Variants in NT5DC1 observed in about 807,000 individuals in gnomAD.
NT5DC1 encodes 5'-nucleotidase domain containing 1.
Under a neutral mutation model 59.4 loss-of-function variants are expected in NT5DC1, and 42 were observed. The ratio of observed to expected loss-of-function variants is 0.71; its 90% confidence interval spans 0.55 to 0.92. NT5DC1 has a LOEUF of 0.92. NT5DC1 is among the 40% of genes least tolerant of loss of function. The pLI is 0.00. For missense variants in NT5DC1, 501 were observed against 537.1 expected (o/e 0.93, Z 0.66); for synonymous variants, 172 against 188.1 (o/e 0.91, Z 0.70).
intron 6 of NT5DC1, among the ~76,000 whole-genome samples, chr6:116,219,103 T>C (rs1338092047): frequency 6.6e-6 from 1 of 152,004 alleles, no homozygotes; most frequent in African/African-American, 2.4e-5. Context: ...CTGCAGTAAG[T>C]CATGATCGTG....
intron 6 of NT5DC1, among the ~76,000 whole-genome samples, chr6:116,205,606 G>A (rs1043975687): frequency 6.6e-6 from 1 of 151,484 alleles, no homozygotes; most frequent in Admixed American, 6.6e-5. Context: ...AATTGGGGGG[G>A]AAAAAAGGCT....
At chr6:116,104,110 C>T (rs1052384345) in intron 1 of NT5DC1, among the ~76,000 whole-genome samples, 1 of 152,074 alleles carries the variant, frequency 6.6e-6, no homozygotes, top group Non-Finnish European at 1.5e-5. Flanking sequence ...CATGGAGAGC[C>T]CTGTGCCATG....
chr6:116,138,862 T>C (rs1366261159), intron 6 of NT5DC1, among the ~76,000 whole-genome samples: 1 of 152,172 alleles, frequency 6.6e-6, no homozygotes, highest in African/African-American at 2.4e-5. Context: ...AGATAGTGAA[T>C]ATTTTTTCAG....
At chr6:116,121,460 A>T in intron 6 of NT5DC1, 1 of 1,611,584 alleles carries the variant, frequency 6.2e-7, no homozygotes, top group Non-Finnish European at 8.5e-7. Context: ...TCTTTTTCCC[A>T]CTCCAGGAGG....
intron 6 of NT5DC1, among the ~76,000 whole-genome samples, chr6:116,159,122 G>T (rs1215788185): frequency 1.3e-5 from 2 of 152,104 alleles, no homozygotes; most frequent in African/African-American, 4.8e-5. Context: ...TTCCACAGAA[G>T]GATATCTTCT....
chr6:116,142,758 T>G (rs966437226), intron 6 of NT5DC1, among the ~76,000 whole-genome samples: 2 of 152,200 alleles, frequency 1.3e-5, no homozygotes, highest in Non-Finnish European at 1.5e-5. Context: ...TTTTCTTGTT[T>G]CTTTTTGTTT....
At chr6:116,169,065 T>C (rs1391605930) in intron 6 of NT5DC1, among the ~76,000 whole-genome samples, 1 of 152,222 alleles carries the variant, frequency 6.6e-6, no homozygotes, top group Non-Finnish European at 1.5e-5. Flanking sequence ...CCTCCAAGCC[T>C]CTTGAAGATT....
At chr6:116,143,134 C>T (rs1175267542) in intron 6 of NT5DC1, among the ~76,000 whole-genome samples, 3 of 152,122 alleles carry the variant, frequency 2.0e-5, no homozygotes, top group African/African-American at 7.2e-5. Context: ...TTGCCTCTGG[C>T]ATAGATAAAC....
At chr6:116,120,575 C>T (rs757679747) in intron 6 of NT5DC1, 2 of 1,601,504 alleles carry the variant, frequency 1.2e-6, no homozygotes, top group Middle Eastern at 3.4e-4. Flanking sequence ...ACCTGGTGGG[C>T]CTGGAGGCCC....
Position 116,222,442 on chromosome 6 carries a change from G to T in NT5DC1, c.705-592G>T, listed in dbSNP as rs76349194. 1.7e-3 allele frequency among the ~76,000 whole-genome samples: 257 copies of T among 152,214 alleles called. 7 individuals carry two copies. The East Asian group carries it at 0.045, about 27-fold the overall frequency. Reference sequence around the variant, plus strand: ...TAATAGTGAGTCCTTCAGGAGAAGGGCTACCTTGCCTTTGCCATCAAAAGT... The same window carrying T: ...TAATAGTGAGTCCTTCAGGAGAAGGTCTACCTTGCCTTTGCCATCAAAAGT... On this transcript the variant is annotated intron_variant, in intron 7 of 11. Transcript: ENST00000319550.
intron 6 of NT5DC1, among the ~76,000 whole-genome samples, chr6:116,173,443 C>T (rs1371989320): frequency 6.6e-6 from 1 of 152,146 alleles, no homozygotes; most frequent in African/African-American, 2.4e-5. Context: ...GAACAGAATC[C>T]TCCAATGGTG....
chr6:116,135,371 G>A (rs1223476244), intron 6 of NT5DC1, among the ~76,000 whole-genome samples: 1 of 151,934 alleles, frequency 6.6e-6, no homozygotes, highest in Non-Finnish European at 1.5e-5. Flanking sequence ...GTAAGTACTA[G>A]AAAATGATAT....
At chr6:116,211,901 A>G (rs930898871) in intron 6 of NT5DC1, among the ~76,000 whole-genome samples, 2 of 152,002 alleles carry the variant, frequency 1.3e-5, no homozygotes, top group African/African-American at 4.8e-5. Flanking sequence ...CAACACACAC[A>G]ACACACTGAT....
chr6:116,210,927 C>T (rs1176903813), intron 6 of NT5DC1, among the ~76,000 whole-genome samples: 1 of 152,010 alleles, frequency 6.6e-6, no homozygotes, highest in African/African-American at 2.4e-5. Context: ...AGATAGCTCT[C>T]TAATGAATCA....
chr6:116,179,412 G>A (rs1780824414), intron 6 of NT5DC1, among the ~76,000 whole-genome samples: 1 of 151,766 alleles, frequency 6.6e-6, no homozygotes, highest in Non-Finnish European at 1.5e-5. Context: ...CTAATATCTA[G>A]AATCTACAAG....
chr6:116,236,167 G>A (rs1040387527), intron 8 of NT5DC1, among the ~76,000 whole-genome samples: 7 of 152,144 alleles, frequency 4.6e-5, no homozygotes, highest in African/African-American at 1.7e-4. Context: ...AGAAAAAAGA[G>A]GTTATTTTTC....
intron 8 of NT5DC1, among the ~76,000 whole-genome samples, chr6:116,231,614 A>C (rs186934071): frequency 5.2e-4 from 79 of 152,324 alleles, no homozygotes; most frequent in African/African-American, 1.9e-3. Context: ...TGAGACGAGA[A>C]AGAAAATGAA....
At position 116,135,834 on chromosome 6, in the gene NT5DC1, G is replaced by GATATAT. The variant is rs199827970; in HGVS notation, c.529+17923_529+17928dup. On this transcript the variant is annotated intron_variant, in intron 6 of 11. Transcript: ENST00000319550. ...ATTTATGGTATACAATATATTTTCA[G>GATATAT]ATATATATATATATATATATATATA... Among the ~76,000 whole-genome samples the GATATAT allele has an allele frequency of 7.9e-3, 802 of 102,094 alleles. 4 individuals are homozygous for GATATAT. The highest frequency in any genetic ancestry group is 0.012 in the Non-Finnish European group (582 of 50,410). 67.0% of individuals were successfully genotyped at this position (102,094 alleles called of 152,430 possible). A position where few individuals can be genotyped will look rare whatever the true frequency, so the allele number is the denominator to read the frequency against.
At chr6:116,229,814 C>G (rs774183360) in intron 8 of NT5DC1, among the ~76,000 whole-genome samples, 8 of 152,126 alleles carry the variant, frequency 5.3e-5, no homozygotes, top group Non-Finnish European at 1.0e-4. Context: ...TCTGTCTCGT[C>G]CCTTGGCCTT....
Sources: allele counts gnomAD v4.1 joint callset (sites outside exome capture counted in the v4.1 genomes callset), GRCh38; gene constraint gnomAD v4.1.1; transcripts MANE v1.5; gene names NCBI Gene and HGNC (gene_info 2026-07-23, HGNC 2026-07-21).